Variants in LINGO2 observed in about 807,000 individuals in gnomAD.
The protein encoded by LINGO2 is leucine-rich repeat and immunoglobulin-like domain-containing nogo receptor-interacting protein 2.
Under a neutral mutation model 30.6 loss-of-function variants are expected in LINGO2, and 14 were observed. The observed-to-expected ratio is 0.46, with a 90% CI of 0.30 to 0.72. The LOEUF (loss-of-function observed/expected upper bound fraction) is 0.72. Among genes scored for constraint, LINGO2 ranks in the 30% least tolerant of loss-of-function variants. The pLI is 0.07. For synonymous variants in LINGO2, 317 were observed against 288.5 expected, an observed-to-expected ratio of 1.10 and a Z score of -1.00; for missense variants, 729 against 751.7, an observed-to-expected ratio of 0.97 and a Z score of 0.35.
the LINGO2 span, among the ~76,000 whole-genome samples, chr9:29,139,464 C>T: frequency 6.6e-6 from 1 of 152,064 alleles, no homozygotes; most frequent in African/African-American, 2.4e-5. Flanking sequence ...CTATATGAGA[C>T]TATTTTCCAC....
the LINGO2 span, among the ~76,000 whole-genome samples, chr9:29,162,647 T>C: frequency 1.3e-5 from 2 of 152,136 alleles, no homozygotes; most frequent in Non-Finnish European, 2.9e-5. Context: ...AAATGGATGG[T>C]GTATATAAAA....
chr9:29,096,374 C>T, the LINGO2 span, among the ~76,000 whole-genome samples: 2 of 139,692 alleles, frequency 1.4e-5, no homozygotes, highest in Non-Finnish European at 3.1e-5. Flanking sequence ...CAATGTCCAC[C>T]TCCTGGGCTC....
chr9:28,469,635 T>C (rs753049871), intron 2 of LINGO2, among the ~76,000 whole-genome samples: 1 of 152,120 alleles, frequency 6.6e-6, no homozygotes, highest in Non-Finnish European at 1.5e-5. Flanking sequence ...TCAGTGGAAA[T>C]TTTGCAGACC....
rs79326386 is a variant in LINGO2 at position 28,519,879 on chromosome 9, T to C, written c.-364-43854A>G. On this transcript the variant is annotated intron_variant, in intron 1 of 5. Transcript: ENST00000379992. The stretch of plus-strand genomic sequence containing the variant: ...TTGCCCAGCCCTTGATCCCCAATTT[T>C]TTTTCTGGATGTCTTATGGTTTTAC... Among the ~76,000 whole-genome samples the C allele has an allele frequency of 8.0e-3, 1,221 of 152,286 alleles. 25 individuals are homozygous for C. The highest frequency in any genetic ancestry group is 0.028 in the African/African-American group (1,163 of 41,550).
chr9:28,058,391 G>C lies in LINGO2; in HGVS notation c.-86-45986C>G, dbSNP rs141422037. On this transcript the variant is annotated intron_variant, in intron 4 of 5. Transcript: ENST00000379992. Reference sequence around the variant, plus strand: ...CTCATATATGGTCACTCATACATAAGGTACCCAATGTAGTTTTACACAAGA... The same window carrying C: ...CTCATATATGGTCACTCATACATAACGTACCCAATGTAGTTTTACACAAGA... Among the ~76,000 whole-genome samples the C allele has an allele frequency of 7.9e-5, 12 of 152,216 alleles. No homozygotes were observed. The East Asian group carries it at 2.1e-3, about 27-fold the overall frequency.
the LINGO2 span, among the ~76,000 whole-genome samples, chr9:28,774,961 C>T: frequency 2.7e-5 from 4 of 149,788 alleles, no homozygotes; most frequent in Middle Eastern, 3.2e-3. Context: ...AACAAATCGT[C>T]GAATAAGTAA....
intron 1 of LINGO2, among the ~76,000 whole-genome samples, chr9:28,536,874 C>G (rs1297654262): frequency 6.6e-6 from 1 of 151,908 alleles, no homozygotes; most frequent in Non-Finnish European, 1.5e-5. Flanking sequence ...GACTTGTGAC[C>G]CCCTCAAATT....
the LINGO2 span, among the ~76,000 whole-genome samples, chr9:29,180,653 C>T: frequency 6.6e-6 from 1 of 152,170 alleles, no homozygotes; most frequent in Non-Finnish European, 1.5e-5. Context: ...CCGTGTTCCC[C>T]TACACATACC....
At chr9:28,574,488 T>C (rs886479173) in intron 1 of LINGO2, among the ~76,000 whole-genome samples, 4 of 152,194 alleles carry the variant, frequency 2.6e-5, no homozygotes, top group Admixed American at 1.3e-4. Context: ...TAATGTTGTT[T>C]TGTGCTTCCA....
chr9:28,848,395 G>GTATATATATATA, the LINGO2 span, among the ~76,000 whole-genome samples: 4 of 38,802 alleles, frequency 1.0e-4, no homozygotes, highest in Admixed American at 4.1e-4. Context: ...GTGTGTGTGT[G>GTATATATATATA]TGTATATATA....
At chr9:28,509,564 A>C (rs1028702690) in intron 1 of LINGO2, among the ~76,000 whole-genome samples, 1 of 152,224 alleles carries the variant, frequency 6.6e-6, no homozygotes, top group Non-Finnish European at 1.5e-5. Context: ...TGTATGTTAA[A>C]GCTCTAACTC....
intron 1 of LINGO2, among the ~76,000 whole-genome samples, chr9:28,524,746 C>G (rs2135409959): frequency 6.6e-6 from 1 of 152,214 alleles, no homozygotes; most frequent in Non-Finnish European, 1.5e-5. Context: ...GAGCAAGACT[C>G]CGTCTCAAAA....
At chr9:29,147,150 TC>T in the LINGO2 span, among the ~76,000 whole-genome samples, 3 of 152,234 alleles carry the variant, frequency 2.0e-5, no homozygotes, top group Admixed American at 6.5e-5. Flanking sequence ...AAATGTTTTT[TC>T]ATATTGCATA....
intron 1 of LINGO2, among the ~76,000 whole-genome samples, chr9:28,649,901 G>A (rs1828013949): frequency 6.6e-6 from 1 of 152,078 alleles, no homozygotes; most frequent in Admixed American, 6.6e-5. Context: ...ACCCTCAGAA[G>A]GCAGAGACCA....
chr9:28,154,551 G>A (rs1007544880), intron 4 of LINGO2, among the ~76,000 whole-genome samples: 4 of 152,114 alleles, frequency 2.6e-5, no homozygotes, highest in Admixed American at 6.5e-5. Flanking sequence ...TATTCACAGA[G>A]TACTGTGTTT....
the LINGO2 span, among the ~76,000 whole-genome samples, chr9:28,866,178 G>C: frequency 6.6e-6 from 1 of 151,992 alleles, no homozygotes; most frequent in African/African-American, 2.4e-5. Context: ...GAAATGTTCT[G>C]GTTGAACTAA....
chr9:28,078,408 T>C (rs1563961474), intron 4 of LINGO2, among the ~76,000 whole-genome samples: 1 of 149,000 alleles, frequency 6.7e-6, no homozygotes, highest in Non-Finnish European at 1.5e-5. Context: ...TTTAGAGAAC[T>C]TAAAGAAATG....
chr9:28,473,795 CTAA>C (rs1159928970), intron 2 of LINGO2, among the ~76,000 whole-genome samples: 1 of 152,062 alleles, frequency 6.6e-6, no homozygotes, highest in Non-Finnish European at 1.5e-5. Context: ...TTCCCAGAAA[CTAA>C]TAATAGGTTG....
intron 4 of LINGO2, among the ~76,000 whole-genome samples, chr9:28,260,307 T>A (rs1435650829): frequency 6.6e-6 from 1 of 151,810 alleles, no homozygotes; most frequent in Non-Finnish European, 1.5e-5. Context: ...GCTTCACTCT[T>A]GAAAACTTCT....
Sources: allele counts gnomAD v4.1 joint callset (sites outside exome capture counted in the v4.1 genomes callset), GRCh38; gene constraint gnomAD v4.1.1; transcripts MANE v1.5; gene names NCBI Gene and HGNC (gene_info 2026-07-23, HGNC 2026-07-21).